The following NALCN variants were observed in gnomAD, a reference collection of about 807,000 sequenced individuals.
NALCN encodes sodium leak channel NALCN.
NALCN carries 111 observed loss-of-function variants against 225.3 expected under a neutral mutation model. The observed-to-expected ratio is 0.49, with a 90% CI of 0.42 to 0.58. The LOEUF is 0.58. Among genes scored for constraint, NALCN ranks in the 20% least tolerant of loss-of-function variants. The probability of loss-of-function intolerance (pLI) is 0.00; values close to 1 mark genes in which losing one functional copy is unlikely to be tolerated. For synonymous variants in NALCN, 764 were observed against 769.0 expected (o/e 0.99, Z 0.11); for missense variants, 1,378 against 2,202.4 (o/e 0.63, Z 7.49).
At chr13:101,232,612 A>AT (rs1292845360) in intron 12 of NALCN, among the ~76,000 whole-genome samples, 2 of 151,572 alleles carry the variant, frequency 1.3e-5, no homozygotes, top group Admixed American at 6.6e-5. Flanking sequence ...CACCCAGCTA[A>AT]TTTTTTTGTA....
Position 101,083,205 on chromosome 13 carries a change from A to C in NALCN, c.3584-7T>G. On this transcript the variant is annotated splice_polypyrimidine_tract_variant and splice_region_variant and intron_variant, in intron 31 of 43. Coordinates refer to ENST00000251127, the MANE Select transcript of NALCN (RefSeq NM_052867.4). ...GCTCTAAAACCATCATTATCTAGAA[A>C]AGAAAGGTTTGGGCAAGGGCATTTT... is the stretch of plus-strand genomic sequence containing the variant. The C allele has an allele frequency of 6.2e-7, 1 of 1,612,806 alleles. No homozygotes were observed. Among genetic ancestry groups the C allele is most frequent in the Non-Finnish European group, 8.5e-7 (1 of 1,179,072 alleles).
At chr13:101,293,530 T>C (rs1010985953) in intron 7 of NALCN, among the ~76,000 whole-genome samples, 18 of 152,318 alleles carry the variant, frequency 1.2e-4, no homozygotes, top group Admixed American at 1.0e-3. Context: ...TATTACAGAA[T>C]ATAAAACCAA....
At chr13:101,383,204 C>G (rs1250596447) in intron 3 of NALCN, among the ~76,000 whole-genome samples, 1 of 152,178 alleles carries the variant, frequency 6.6e-6, no homozygotes, top group Admixed American at 6.5e-5. Context: ...ATCACCTTAA[C>G]TCAGGCGTCA....
At chr13:101,251,043 T>C (rs2042048081) in intron 11 of NALCN, among the ~76,000 whole-genome samples, 1 of 152,112 alleles carries the variant, frequency 6.6e-6, no homozygotes, top group Non-Finnish European at 1.5e-5. Context: ...CTGGTAGGAA[T>C]GTAAATTGAC....
chr13:101,105,397 T>A (rs1202808839), intron 22 of NALCN, among the ~76,000 whole-genome samples: 1 of 152,236 alleles, frequency 6.6e-6, no homozygotes, highest in African/African-American at 2.4e-5. Context: ...TAGAATGATT[T>A]ATTTAGAATT....
chr13:101,283,960 G>C lies in NALCN; in HGVS notation c.1107C>G (p.Pro369=), dbSNP rs778991973. The change falls in exon 10 of 44, where the codon CCC becomes CCG. Residue 369 remains proline (P), a synonymous_variant. Transcript: ENST00000251127. ...GGAGGCAGGCTGGGGCGCGTCCCTG[G>C]GGCTTGTTGACATCCACAGCTACCA... is the stretch of plus-strand genomic sequence containing the variant. ...WQLVAVDVNK[P]QGRAPACLQK... 5 of 1,613,512 alleles carry C rather than the reference G, an allele frequency of 3.1e-6. No homozygotes were observed. The South Asian group carries it at 5.5e-5, about 18-fold the overall frequency.
chr13:101,145,701 C>G (rs1409302439), intron 15 of NALCN, among the ~76,000 whole-genome samples: 7 of 152,110 alleles, frequency 4.6e-5, no homozygotes, highest in Non-Finnish European at 1.0e-4. Context: ...CTCTTGGAGT[C>G]CCTCTTTACT....
chr13:101,096,818 G>A (rs2034532161), intron 27 of NALCN, among the ~76,000 whole-genome samples: 1 of 152,054 alleles, frequency 6.6e-6, no homozygotes, highest in East Asian at 1.9e-4. Flanking sequence ...GGTTATTTTT[G>A]TTTCTTTGGC....
intron 7 of NALCN, among the ~76,000 whole-genome samples, chr13:101,312,910 C>T (rs2139153852): frequency 6.6e-6 from 1 of 152,274 alleles, no homozygotes; most frequent in Middle Eastern, 3.4e-3. Flanking sequence ...CTGCAGGCAT[C>T]AAGCTACCTG....
intron 13 of NALCN, among the ~76,000 whole-genome samples, chr13:101,221,270 C>A (rs1182857428): frequency 6.6e-6 from 1 of 152,080 alleles, no homozygotes; most frequent in Non-Finnish European, 1.5e-5. Context: ...AGGCACACGC[C>A]ACCACACCCA....
intron 7 of NALCN, among the ~76,000 whole-genome samples, chr13:101,334,288 G>A (rs2045287029): frequency 6.6e-6 from 1 of 150,988 alleles, no homozygotes; most frequent in African/African-American, 2.4e-5. Context: ...AGACAGAAGG[G>A]AGATGAGTGC....
At chr13:101,293,379 A>C (rs183207892) in intron 7 of NALCN, among the ~76,000 whole-genome samples, 1 of 152,372 alleles carries the variant, frequency 6.6e-6, no homozygotes, top group Non-Finnish European at 1.5e-5. Context: ...AAAATTGAAA[A>C]TAATTGCTCA....
At chr13:101,335,846 T>G (rs1278470581) in intron 7 of NALCN, among the ~76,000 whole-genome samples, 1 of 152,106 alleles carries the variant, frequency 6.6e-6, no homozygotes, top group Non-Finnish European at 1.5e-5. Context: ...CTTTCTGTTT[T>G]CTATTTATTT....
rs2047317813 is a variant in NALCN at position 101,397,069 on chromosome 13, TATATATATATATATATATA to T, written c.109-1723_109-1705del. Among the ~76,000 whole-genome samples, 181 of 61,742 alleles carry T rather than the reference TATATATATATATATATATA, an allele frequency of 2.9e-3. 1 individual carries two copies. Among genetic ancestry groups the T allele is most frequent in the Middle Eastern group, 0.011 (1 of 92 alleles). The allele number at this position is 61,742 out of a possible 152,430, so 40.5% of individuals were successfully genotyped here. On this transcript the variant is annotated intron_variant, in intron 2 of 43. Transcript: ENST00000251127. ...AAGTAAAACACCTATGAATGTATTATATATATATATATATATATATATATATATATATATATATATACAT... is the reference window on the plus strand; with the variant it reads ...AAGTAAAACACCTATGAATGTATTATTATATATATATATATATATATACAT...
intron 3 of NALCN, among the ~76,000 whole-genome samples, chr13:101,388,876 G>T (rs543846064): frequency 2.0e-5 from 3 of 152,216 alleles, no homozygotes; most frequent in African/African-American, 4.8e-5. Context: ...TTCAATGCAT[G>T]GGCAAAGGTT....
chr13:101,129,066 C>T (rs559788956), intron 17 of NALCN, among the ~76,000 whole-genome samples: 14 of 152,220 alleles, frequency 9.2e-5, no homozygotes, highest in Admixed American at 2.0e-4. Flanking sequence ...TGTGATGTTA[C>T]GGGTCTTGAT....
intron 12 of NALCN, among the ~76,000 whole-genome samples, chr13:101,235,282 C>T (rs554049844): frequency 3.6e-4 from 55 of 152,098 alleles, no homozygotes; most frequent in African/African-American, 1.3e-3. Context: ...ATATTTTGCA[C>T]ACAAATGTTA....
At chr13:101,231,357 G>A (rs1270453266) in intron 12 of NALCN, among the ~76,000 whole-genome samples, 1 of 152,152 alleles carries the variant, frequency 6.6e-6, no homozygotes, top group African/African-American at 2.4e-5. Flanking sequence ...TGGACAAATA[G>A]GATTCAATGG....
chr13:101,102,236 T>C (rs1478175947), intron 26 of NALCN, among the ~76,000 whole-genome samples: 3 of 151,946 alleles, frequency 2.0e-5, no homozygotes, highest in Non-Finnish European at 4.4e-5. Flanking sequence ...TGAGCTGAGA[T>C]TGCGCCATTG....
Sources: allele counts gnomAD v4.1 joint callset (sites outside exome capture counted in the v4.1 genomes callset), GRCh38; gene constraint gnomAD v4.1.1; transcripts MANE v1.5; gene names NCBI Gene and HGNC (gene_info 2026-07-23, HGNC 2026-07-21).